NUP98: variants seen among roughly 807,000 people sequenced by gnomAD.
The protein encoded by NUP98 is nuclear pore complex protein Nup98-Nup96.
Under a neutral mutation model 191.9 loss-of-function variants are expected in NUP98, and 26 were observed. The ratio of observed to expected loss-of-function variants is 0.14; its 90% CI spans 0.10 to 0.19. NUP98 has a LOEUF of 0.19. NUP98 is among the 10% of genes least tolerant of loss of function. The pLI is 1.00. For missense variants in NUP98, 1,941 were observed against 2,178.8 expected, an observed-to-expected ratio of 0.89 and a Z score of 2.17; for synonymous variants, 808 against 778.4, an observed-to-expected ratio of 1.04 and a Z score of -0.63.
At position 3,778,994 on chromosome 11, in the gene NUP98, G is replaced by A. The variant is rs1259936271; in HGVS notation, c.234C>T (p.Gly78=). 1.2e-6 allele frequency: 2 copies of A among 1,614,192 alleles called. No individual in the cohort carries two copies. Among genetic ancestry groups the A allele is most frequent in the East Asian group, 2.2e-5 (1 of 44,886 alleles). The stretch of plus-strand genomic sequence containing the variant: ...TTCCTGTTGACGTACCAAACCCAAA[G>A]CCAGTGCTTGTGGAGGTAGCTGGCT... ...FSQPATSTST[G]FGFGTSTGTA... is the part of the protein sequence containing the mutation. The change falls in exon 4 of 33, where the codon GGC becomes GGT. Residue 78 remains glycine (G), a synonymous_variant. Coordinates refer to ENST00000324932, the MANE Select transcript of NUP98 (RefSeq NM_016320.5).
chr11:3,702,324 CTCTCTCTCTCTCTCTCT>C lies in NUP98; in HGVS notation c.3512+122_3512+138del, dbSNP rs1234927352. On this transcript the variant is annotated intron_variant, in intron 23 of 32. Transcript: ENST00000324932. Reference sequence around the variant, plus strand: ...ACACACACACACACACTCTCTCTCTCTCTCTCTCTCTCTCTCTCTCTCTCTCTCTCTCTCTCTCTCTC... The same window carrying C: ...ACACACACACACACACTCTCTCTCTCCTCTCTCTCTCTCTCTCTCTCTCTC... 699 of 152,178 alleles carry C rather than the reference CTCTCTCTCTCTCTCTCT, an allele frequency of 4.6e-3. 8 individuals carry two copies. Among genetic ancestry groups the C allele is most frequent in the Admixed American group, 0.017 (169 of 10,132 alleles). The allele number at this position is 152,178 out of a possible 1,614,324, so 9.4% of individuals were successfully genotyped here. A position where few individuals can be genotyped will look rare whatever the true frequency, so the allele number is the denominator to read the frequency against.
intron 20 of NUP98, among the ~76,000 whole-genome samples, chr11:3,708,307 G>A (rs2078925536): frequency 6.6e-6 from 1 of 152,140 alleles, no homozygotes. Context: ...AAATGGGGAG[G>A]GGGAGAGTGG....
intron 12 of NUP98, among the ~76,000 whole-genome samples, chr11:3,735,955 T>C (rs1267011557): frequency 6.6e-6 from 1 of 151,558 alleles, no homozygotes. Flanking sequence ...CAGGCTGGAG[T>C]GTAGTGGCAT....
rs1269825298 is a variant in NUP98 at position 3,775,879 on chromosome 11, T to C, written c.495+3A>G. 2 of 1,607,052 alleles carry C rather than the reference T, an allele frequency of 1.2e-6. No homozygotes were observed. Among genetic ancestry groups the C allele is most frequent in the Admixed American group, 1.7e-5 (1 of 57,868 alleles). ...TCCACAAAGATTGGAAGAAAATACATACGTTAAATTTAATAGTAGTCCCAG... is the reference window on the plus strand; with the variant it reads ...TCCACAAAGATTGGAAGAAAATACACACGTTAAATTTAATAGTAGTCCCAG... On this transcript the variant is annotated splice_donor_region_variant and intron_variant, in intron 5 of 32. Transcript: ENST00000324932.
At position 3,740,686 on chromosome 11, in the gene NUP98, A is replaced by C. The variant is rs115847313; in HGVS notation, c.1408+3823T>G. On this transcript the variant is annotated intron_variant, in intron 12 of 32. Transcript: ENST00000324932. ...ATCATCCCAGAGCTAAGAATCTGAC[A>C]TTCTAACATTTAGAGGACCCTCTGA... 1.8e-3 allele frequency among the ~76,000 whole-genome samples: 270 copies of C among 152,190 alleles called. 1 individual carries two copies. Among genetic ancestry groups the C allele is most frequent in the African/African-American group, 6.1e-3 (254 of 41,538 alleles).
At chr11:3,685,156 T>C (rs1054951411) in intron 29 of NUP98, among the ~76,000 whole-genome samples, 11 of 152,230 alleles carry the variant, frequency 7.2e-5, no homozygotes, top group African/African-American at 2.7e-4. Context: ...AAGTACTACA[T>C]AAATGTTCAT....
intron 18 of NUP98, chr11:3,714,657 T>G (rs2134178916): frequency 6.1e-6 from 1 of 164,078 alleles, no homozygotes; most frequent in African/African-American, 2.4e-5. Flanking sequence ...AGTACTTGTC[T>G]TTTTGTGACT....
rs534434688 is a variant in NUP98, at chr11:3,783,059, T to C, written c.-28-914A>G. Among the ~76,000 whole-genome samples the C allele has an allele frequency of 3.9e-5, 6 of 152,328 alleles. No homozygotes were observed. In the South Asian group the frequency reaches 1.0e-3, roughly 26 times the overall value. On this transcript the variant is annotated intron_variant, in intron 1 of 32. Transcript: ENST00000324932. ...CTCTATGGTCCCCTACTTATCTATC[T>C]TCTACTTCTAAGATTACAGAAAAAC...
At chr11:3,684,708 ACT>A (rs2078084971) in intron 29 of NUP98, among the ~76,000 whole-genome samples, 1 of 140,882 alleles carries the variant, frequency 7.1e-6, no homozygotes, top group African/African-American at 2.7e-5. Context: ...TTATACTTTT[ACT>A]CTTTTTAATT....
chr11:3,720,829 T>A lies in NUP98; in HGVS notation c.2147-4A>T, dbSNP rs752588418. The A allele has an allele frequency of 5.0e-6, 3 of 595,378 alleles. No individual in the cohort carries two copies. The highest frequency in any genetic ancestry group is 3.7e-5 in the African/African-American group (1 of 27,146). 36.9% of individuals were successfully genotyped at this position (595,378 alleles called of 1,614,324 possible). ...CCAACCTTAGTGAGAATAATACCTG[T>A]GACAAAAAAAAAAAAAAAAACAGAA... On this transcript the variant is annotated splice_region_variant and splice_polypyrimidine_tract_variant and intron_variant, in intron 16 of 32. Coordinates refer to ENST00000324932, the MANE Select transcript of NUP98 (RefSeq NM_016320.5).
At chr11:3,693,026 A>C in intron 27 of NUP98, 1 of 523,782 alleles carries the variant, frequency 1.9e-6, no homozygotes, top group Non-Finnish European at 3.4e-6. Flanking sequence ...GAACCCTCTG[A>C]TTTAGAGGCA....
At chr11:3,735,048 G>A (rs1388989245) in intron 13 of NUP98, 143 bp downstream of exon 13, 3 of 692,094 alleles carry the variant, frequency 4.3e-6, no homozygotes, top group African/African-American at 1.8e-5. Flanking sequence ...ATTTACTCCC[G>A]GCTGAGTGAA....
chr11:3,741,254 A>G (rs980311592), intron 12 of NUP98, among the ~76,000 whole-genome samples: 1 of 152,138 alleles, frequency 6.6e-6, no homozygotes, highest in African/African-American at 2.4e-5. Flanking sequence ...TTAAGCAAAA[A>G]AACTGTATCT....
Position 3,775,914 on chromosome 11 carries a change from C to G in NUP98, c.463G>C (p.Ala155Pro). The change falls in exon 5 of 33, where the codon GCT (alanine) becomes CCT (proline). Residue 155 changes from alanine (A) to proline (P), a missense_variant. This residue lies in a region of NUP98 where 154 missense variants were observed against 182.9 expected (regional missense o/e 0.84). Transcript: ENST00000324932. The stretch of plus-strand genomic sequence containing the variant: ...TTAATAGTAGTCCCAGTAGGAGCAG[C>G]TGTAAAACTACTTGGCCCAAAGAGG... ...GSLFGPSSFT[A>P]APTGTTIKFN... 1 of 1,613,820 alleles carries G rather than the reference C, an allele frequency of 6.2e-7. No homozygotes were observed.
chr11:3,679,709 C>G lies in NUP98; in HGVS notation c.4919-1G>C, dbSNP rs2077930021. On this transcript the variant is annotated splice_acceptor_variant, in intron 30 of 32. Coordinates refer to ENST00000324932, the MANE Select transcript of NUP98 (RefSeq NM_016320.5). LOFTEE classifies it high-confidence loss of function. Reference sequence around the variant, plus strand: ...TCATAGTTCTCATTAATGATGGCATCTGAAGAAACAAAGTATTGAGCACAA... The same window carrying G: ...TCATAGTTCTCATTAATGATGGCATGTGAAGAAACAAAGTATTGAGCACAA... 1 of 1,613,184 alleles carries G rather than the reference C, an allele frequency of 6.2e-7. No homozygotes were observed. The highest frequency in any genetic ancestry group is 8.5e-7 in the Non-Finnish European group (1 of 1,179,608).
At chr11:3,791,168 TA>T (rs1359583928) in intron 1 of NUP98, among the ~76,000 whole-genome samples, 3 of 152,226 alleles carry the variant, frequency 2.0e-5, no homozygotes, top group South Asian at 2.1e-4. Flanking sequence ...GTGCTGGGAT[TA>T]CAGGCGTGAG....
At chr11:3,776,121 A>ATT (rs777947710) in intron 4 of NUP98, 100 bp from the exon 5 acceptor site, 75,001 of 529,270 alleles carry the variant, frequency 0.14, 5,279 homozygotes, top group African/African-American at 0.34. Context: ...ACAGTACTTC[A>ATT]TTTTTTTTTT....
intron 1 of NUP98, among the ~76,000 whole-genome samples, chr11:3,790,898 A>AT (rs113941509): frequency 0.014 from 2,036 of 144,476 alleles, 39 homozygotes; most frequent in African/African-American, 0.039. Flanking sequence ...CACCATTTTA[A>AT]TTTTTTTTTT....
chr11:3,781,447 G>A (rs1296935728), intron 2 of NUP98: 1 of 134,246 alleles, frequency 7.4e-6, no homozygotes, highest in Non-Finnish European at 1.5e-5. Flanking sequence ...GTTTTCACCA[G>A]GAAACAAAAT....
Sources: allele counts gnomAD v4.1 joint callset (sites outside exome capture counted in the v4.1 genomes callset), GRCh38; gene constraint gnomAD v4.1.1; regional missense constraint gnomAD v4.1.1; transcripts MANE v1.5; gene names NCBI Gene and HGNC (gene_info 2026-07-23, HGNC 2026-07-21).